The following KDM4E variants were observed in gnomAD, a reference collection of about 807,000 sequenced individuals.
The protein encoded by KDM4E is lysine-specific demethylase 4E.
For synonymous variants in KDM4E, 229 were observed against 232.9 expected (o/e 0.98, Z 0.15); for missense variants, 576 against 642.6 (o/e 0.90, Z 1.12).
In KDM4E at chr11:95,026,611, AGCC is replaced by A. The variant is rs1555102937; in HGVS notation, c.1055_1057del (p.Ser352_Gln353delinsLys). On this transcript the variant is annotated inframe_deletion, in exon 1 of 1. Coordinates refer to ENST00000450979, the MANE Select transcript of KDM4E (RefSeq NM_001161630.1). ...ACACACAGAGCCCAGGGTTGCAGAA[AGCC>A]AAGAGCTGAGCAACTGGAGAGATGA... The A allele has an allele frequency of 1.3e-6, 2 of 1,537,374 alleles. No homozygotes were observed. The highest frequency in any genetic ancestry group is 2.4e-5 in the South Asian group (2 of 84,080).
rs782184921 is a variant in KDM4E at position 95,026,491 on chromosome 11, T to A, written c.934T>A (p.Ser312Thr). The change falls in exon 1 of 1, where the codon TCG (serine) becomes ACG (threonine). Residue 312 changes from serine to threonine, a missense_variant. Transcript: ENST00000450979. ...GGCCTCTCAGTGTAGCTGTGGGGAG[T>A]CGACAGTGACCTTTTCCATGGACCC... ...KMASQCSCGE[S>T]TVTFSMDPFV... The A allele has an allele frequency of 6.3e-7, 1 of 1,598,180 alleles. No homozygotes were observed. Among genetic ancestry groups the A allele is most frequent in the Admixed American group, 1.7e-5 (1 of 58,960 alleles).
In KDM4E at chr11:95,026,567, A is replaced by G. The variant is rs375448633; in HGVS notation, c.1010A>G (p.Gln337Arg). The G allele has an allele frequency of 3.9e-6, 6 of 1,539,724 alleles. No homozygotes were observed. Among genetic ancestry groups the G allele is most frequent in the Non-Finnish European group, 5.2e-6 (6 of 1,148,152 alleles). ...AGTTATGAGCTCTGGAAACACAGGC[A>G]AGACTTGGCCATTGTGGAACACACA... ...PESYELWKHR[Q>R]DLAIVEHTEP... Residue 337 changes from glutamine to arginine, a missense_variant, in exon 1 of 1, where the codon CAA (glutamine) becomes CGA (arginine). Transcript: ENST00000450979.
chr11:95,026,524 C>T lies in KDM4E; in HGVS notation c.967C>T (p.Arg323Cys), dbSNP rs193213319. 63 of 1,568,794 alleles carry T rather than the reference C, an allele frequency of 4.0e-5. No homozygotes were observed. Among genetic ancestry groups the T allele is most frequent in the East Asian group, 3.0e-4 (13 of 43,722 alleles). Residue 323 changes from arginine (R) to cysteine (C), a missense_variant, in exon 1 of 1, where the codon CGC (arginine) becomes TGC (cysteine). Physicochemically the swap from Arg to Cys is radical, Grantham distance 180. Coordinates refer to ENST00000450979, the MANE Select transcript of KDM4E (RefSeq NM_001161630.1). ...TVTFSMDPFV[R>C]IVQPESYELW... The stretch of plus-strand genomic sequence containing the variant: ...GACCTTTTCCATGGACCCCTTTGTG[C>T]GCATTGTGCAACCCGAGAGTTATGA...
chr11:95,026,869 G>A lies in KDM4E; in HGVS notation c.1312G>A (p.Gly438Ser). ...LLPSTGSWGS[G>S]RGRGRGQGQG... is the part of the protein sequence containing the mutation. ...CCCTTCCACTGGAAGCTGGGGTTCT[G>A]GTCGTGGTCGTGGTCGTGGTCAAGG... is the stretch of plus-strand genomic sequence containing the variant. The change falls in exon 1 of 1, where the codon GGT becomes AGT. Residue 438 changes from glycine (G) to serine (S), a missense_variant. Coordinates refer to ENST00000450979, the MANE Select transcript of KDM4E (RefSeq NM_001161630.1). 6.5e-7 allele frequency: 1 copy of A among 1,536,854 alleles called. No individual in the cohort carries two copies. Among genetic ancestry groups the A allele is most frequent in the Non-Finnish European group, 8.7e-7 (1 of 1,146,712 alleles).
In KDM4E at chr11:95,026,168, G is replaced by C. The variant is rs1555102746; in HGVS notation, c.611G>C (p.Gly204Ala). Residue 204 changes from glycine (G) to alanine (A), a missense_variant, in exon 1 of 1, where the codon GGG becomes GCG. By Grantham distance (60) the Gly-to-Ala change is moderately conservative (BLOSUM62 0). Coordinates refer to ENST00000450979, the MANE Select transcript of KDM4E (RefSeq NM_001161630.1). Reference protein sequence around the residue: ...DLYSINYLHFGEPKTWYVVPP... With the variant: ...DLYSINYLHFAEPKTWYVVPP... ...TACAGCATCAACTACCTGCACTTTG[G>C]GGAGCCCAAAACTTGGTACGTGGTG... The C allele has an allele frequency of 6.2e-7, 1 of 1,614,118 alleles. No individual in the cohort carries two copies.
In KDM4E at chr11:95,027,132, C is replaced by A; in HGVS notation, c.*54C>A. 6.6e-7 allele frequency: 1 copy of A among 1,513,946 alleles called. No individual in the cohort carries two copies. The highest frequency in any genetic ancestry group is 1.2e-5 in the South Asian group (1 of 80,566). 93.8% of individuals were successfully genotyped at this position (1,513,946 alleles called of 1,614,324 possible). A position where few individuals can be genotyped will look rare whatever the true frequency, so the allele number is the denominator to read the frequency against. On this transcript the variant is annotated 3_prime_UTR_variant, in exon 1 of 1. Transcript: ENST00000450979. ...TTCTGGCTGCTGCTGTGTCCCTGAT[C>A]TTCAACTCCTGGGGCCCCCACTGGA...
At position 95,026,495 on chromosome 11, in the gene KDM4E, C is replaced by T. The variant is rs545191230; in HGVS notation, c.938C>T (p.Thr313Ile). Residue 313 changes from threonine to isoleucine, a missense_variant, in exon 1 of 1, where the codon ACA becomes ATA. By Grantham distance (89) the Thr-to-Ile change is moderately conservative (BLOSUM62 -1). Coordinates refer to ENST00000450979, the MANE Select transcript of KDM4E (RefSeq NM_001161630.1). ...MASQCSCGES[T>I]VTFSMDPFVR... ...TCTCAGTGTAGCTGTGGGGAGTCGA[C>T]AGTGACCTTTTCCATGGACCCCTTT... 2 of 1,596,726 alleles carry T rather than the reference C, an allele frequency of 1.3e-6. No individual in the cohort carries two copies. Among genetic ancestry groups the T allele is most frequent in the East Asian group, 2.2e-5 (1 of 44,762 alleles).
chr11:95,026,806 CA>C lies in KDM4E; in HGVS notation c.1250del (p.Gln417ArgfsTer64). The C allele has an allele frequency of 6.5e-7, 1 of 1,537,240 alleles. No homozygotes were observed. The highest frequency in any genetic ancestry group is 8.7e-7 in the Non-Finnish European group (1 of 1,146,904). On this transcript the variant is annotated frameshift_variant, in exon 1 of 1. Transcript: ENST00000450979. LOFTEE classifies it low-confidence loss of function (END_TRUNC). ...FQSSAYHTQT[Q>X]SLTLGMSARV... ...AAGCTCTGCATATCATACCCAGACC[CA>C]GTCACTTACCCTGGGGATGTCAGCC...
Position 95,025,828 on chromosome 11 carries a change from A to G in KDM4E, c.271A>G (p.Lys91Glu). Residue 91 changes from lysine (K) to glutamate (E), a missense_variant, in exon 1 of 1, where the codon AAA becomes GAA. By Grantham distance (56) the Lys-to-Glu change is moderately conservative (BLOSUM62 1). Coordinates refer to ENST00000450979, the MANE Select transcript of KDM4E (RefSeq NM_001161630.1). Reference sequence around the variant, plus strand: ...GTTTACTCAATACCATAAAAAGAAGAAAGCCATGAGGGTGGGGCAGTATCG... The same window carrying G: ...GTTTACTCAATACCATAAAAAGAAGGAAGCCATGAGGGTGGGGCAGTATCG... Reference protein sequence around the residue: ...GVFTQYHKKKKAMRVGQYRRL... With the variant: ...GVFTQYHKKKEAMRVGQYRRL... The G allele has an allele frequency of 6.3e-7, 1 of 1,593,904 alleles. No individual in the cohort carries two copies. Among genetic ancestry groups the G allele is most frequent in the Non-Finnish European group, 8.5e-7 (1 of 1,175,706 alleles).
rs782325908 is a variant in KDM4E at position 95,026,903 on chromosome 11, G to A, written c.1346G>A (p.Arg449Gln). The change falls in exon 1 of 1, where the codon CGA becomes CAA. Residue 449 changes from arginine to glutamine, a missense_variant. Physicochemically the swap from Arg to Gln is conservative, Grantham distance 43. Transcript: ENST00000450979. ...RGRGRGQGQG[R>Q]GCSRGRGHGC... ...CGTGGTCGTGGTCAAGGTCAAGGTCGAGGTTGCAGTCGTGGTCGTGGTCAT... is the reference window on the plus strand; with the variant it reads ...CGTGGTCGTGGTCAAGGTCAAGGTCAAGGTTGCAGTCGTGGTCGTGGTCAT... 44 of 1,537,002 alleles carry A rather than the reference G, an allele frequency of 2.9e-5. No individual in the cohort carries two copies. In the Admixed American group the frequency reaches 3.3e-4, roughly 12 times the overall value.
chr11:95,025,938 C>A lies in KDM4E; in HGVS notation c.381C>A (p.Pro127=), dbSNP rs781915167. The change falls in exon 1 of 1, where the codon CCC becomes CCA. Residue 127 remains proline, a synonymous_variant. Transcript: ENST00000450979. ...DLEQRYWKSH[P]GNPPIYGADI... is the part of the protein sequence containing the mutation. ...AGCAACGATACTGGAAGAGCCACCC[C>A]GGTAATCCACCAATTTATGGTGCTG... is the stretch of plus-strand genomic sequence containing the variant. 1 of 1,572,270 alleles carries A rather than the reference C, an allele frequency of 6.4e-7. No homozygotes were observed. Among genetic ancestry groups the A allele is most frequent in the East Asian group, 2.3e-5 (1 of 42,688 alleles).
In KDM4E at chr11:95,027,512, G is replaced by A. The variant is rs1177732819; in HGVS notation, c.*434G>A. The stretch of plus-strand genomic sequence containing the variant: ...TCTGGATCCACGGCTATGGAATATG[G>A]TGACAAATGTCAGTGTCTCTCTTAT... On this transcript the variant is annotated 3_prime_UTR_variant, in exon 1 of 1. Transcript: ENST00000450979. 5 of 170,412 alleles carry A rather than the reference G, an allele frequency of 2.9e-5. No homozygotes were observed. The highest frequency in any genetic ancestry group is 1.2e-4 in the African/African-American group (5 of 41,978). The allele number at this position is 170,412 out of a possible 1,614,324, so 10.6% of individuals were successfully genotyped here. A position where few individuals can be genotyped will look rare whatever the true frequency, so the allele number is the denominator to read the frequency against.
rs1858279947 is a variant in KDM4E at position 95,027,053 on chromosome 11, A to G, written c.1496A>G (p.Asp499Gly). Residue 499 changes from aspartate to glycine, a missense_variant, in exon 1 of 1, where the codon GAT becomes GGT. Coordinates refer to ENST00000450979, the MANE Select transcript of KDM4E (RefSeq NM_001161630.1). ...AGGCCTCAGCTCCCGCTTGCCAATG[A>G]TTTGATGACAAATCTGTCCCTTTGA... is the stretch of plus-strand genomic sequence containing the variant. ...GHRPQLPLAN[D>G]LMTNLSL 1.3e-6 allele frequency: 2 copies of G among 1,537,102 alleles called. No homozygotes were observed. Among genetic ancestry groups the G allele is most frequent in the East Asian group, 4.9e-5 (2 of 40,904 alleles).
In KDM4E at chr11:95,026,123, A is replaced by G. The variant is rs1858261431; in HGVS notation, c.566A>G (p.His189Arg). The G allele has an allele frequency of 1.2e-6, 2 of 1,614,106 alleles. No individual in the cohort carries two copies. The highest frequency in any genetic ancestry group is 1.7e-6 in the Non-Finnish European group (2 of 1,179,992). Reference protein sequence around the residue: ...FGMWKTTFAWHTEDMDLYSIN... With the variant: ...FGMWKTTFAWRTEDMDLYSIN... ...ATGTGGAAGACCACGTTTGCCTGGC[A>G]CACAGAGGACATGGACCTTTACAGC... Residue 189 changes from histidine to arginine, a missense_variant, in exon 1 of 1, where the codon CAC (histidine) becomes CGC (arginine). Physicochemically the swap from His to Arg is conservative, Grantham distance 29 (BLOSUM62 0). Transcript: ENST00000450979.
Position 95,025,690 on chromosome 11 carries a change from C to A in KDM4E, c.133C>A (p.Leu45Ile). The A allele has an allele frequency of 2.6e-6, 4 of 1,556,608 alleles. No individual in the cohort carries two copies. The highest frequency in any genetic ancestry group is 3.5e-6 in the Non-Finnish European group (4 of 1,156,506). The change falls in exon 1 of 1, where the codon CTT becomes ATT. Residue 45 changes from leucine to isoleucine, a missense_variant. By Grantham distance (5) the Leu-to-Ile change is conservative. Transcript: ENST00000450979. Reference sequence around the variant, plus strand: ...GTCCCAAGGCGCACATCAAGCTGGCCTTGCCAAGGTAATTCCACCCAAGGA... The same window carrying A: ...GTCCCAAGGCGCACATCAAGCTGGCATTGCCAAGGTAATTCCACCCAAGGA... ...MESQGAHQAG[L>I]AKVIPPKEWK...
rs1005765574 is a variant in KDM4E, at chr11:95,026,597, C to T, written c.1040C>T (p.Pro347Leu). 2 of 1,537,516 alleles carry T rather than the reference C, an allele frequency of 1.3e-6. No individual in the cohort carries two copies. The highest frequency in any genetic ancestry group is 2.7e-5 in the African/African-American group (2 of 73,114). Residue 347 changes from proline to leucine, a missense_variant, in exon 1 of 1, where the codon CCC (proline) becomes CTC (leucine). By Grantham distance (98) the Pro-to-Leu change is moderately conservative. Transcript: ENST00000450979. Reference protein sequence around the residue: ...QDLAIVEHTEPRVAESQELSN... With the variant: ...QDLAIVEHTELRVAESQELSN... ...TTGGCCATTGTGGAACACACAGAGC[C>T]CAGGGTTGCAGAAAGCCAAGAGCTG... is the stretch of plus-strand genomic sequence containing the variant.
At position 95,026,631 on chromosome 11, in the gene KDM4E, G is replaced by A; in HGVS notation, c.1074G>A (p.Trp358Ter). The A allele has an allele frequency of 5.2e-6, 8 of 1,537,296 alleles. No individual in the cohort carries two copies. The highest frequency in any genetic ancestry group is 7.0e-6 in the Non-Finnish European group (8 of 1,146,928). The change falls in exon 1 of 1, where the codon TGG (tryptophan) becomes TGA (stop). Residue 358 changes from tryptophan to a stop codon, truncating the protein, a stop_gained. Transcript: ENST00000450979. LOFTEE classifies it low-confidence loss of function (END_TRUNC). ...CAGAAAGCCAAGAGCTGAGCAACTGGAGAGATGATATAGTACTTAGAAGAG... is the reference window on the plus strand; with the variant it reads ...CAGAAAGCCAAGAGCTGAGCAACTGAAGAGATGATATAGTACTTAGAAGAG... ...RVAESQELSN[W>*]RDDIVLRRAA...
At position 95,026,416 on chromosome 11, in the gene KDM4E, G is replaced by A. The variant is rs781934666; in HGVS notation, c.859G>A (p.Ala287Thr). The A allele has an allele frequency of 1.9e-5, 31 of 1,612,758 alleles. No individual in the cohort carries two copies. The highest frequency in any genetic ancestry group is 1.1e-4 in the East Asian group (5 of 44,892). Residue 287 changes from alanine (A) to threonine (T), a missense_variant, in exon 1 of 1, where the codon GCA becomes ACA. Transcript: ENST00000450979. Reference sequence around the variant, plus strand: ...TGGCTTCAATCACGGCTTCAACTGCGCAGAAGCCATTAATTTTGCCACTCC... The same window carrying A: ...TGGCTTCAATCACGGCTTCAACTGCACAGAAGCCATTAATTTTGCCACTCC... Reference protein sequence around the residue: ...HAGFNHGFNCAEAINFATPRW... With the variant: ...HAGFNHGFNCTEAINFATPRW...
Position 95,026,817 on chromosome 11 carries a change from C to T in KDM4E, c.1260C>T (p.Thr420=), listed in dbSNP as rs1423341568. The change falls in exon 1 of 1, where the codon ACC becomes ACT. Residue 420 remains threonine, a synonymous_variant. Coordinates refer to ENST00000450979, the MANE Select transcript of KDM4E (RefSeq NM_001161630.1). ...ATCATACCCAGACCCAGTCACTTAC[C>T]CTGGGGATGTCAGCCAGGGTTCTTC... ...SAYHTQTQSL[T]LGMSARVLLP... is the part of the protein sequence containing the mutation. The T allele has an allele frequency of 1.3e-6, 2 of 1,537,092 alleles. No homozygotes were observed. Among genetic ancestry groups the T allele is most frequent in the East Asian group, 2.4e-5 (1 of 40,924 alleles).
Sources: gnomAD v4.1 joint callset for allele counts on GRCh38, gnomAD v4.1.1 for gene constraint, MANE v1.5 for transcripts, NCBI Gene and HGNC (gene_info 2026-07-23, HGNC 2026-07-21) for gene names.